Variants in KCND2 observed in about 807,000 individuals in gnomAD.
The protein encoded by KCND2 is potassium voltage-gated channel subfamily D member 2, also known as A-type voltage-gated potassium channel KCND2.
Under a neutral mutation model 54.4 loss-of-function variants are expected in KCND2, and 16 were observed. That is an observed-to-expected ratio of 0.29 (90% CI 0.20 to 0.45). KCND2 has a LOEUF of 0.45. Ranked by LOEUF, KCND2 falls within the 20% of genes least tolerant of loss-of-function variation. The pLI is 1.00. For synonymous variants in KCND2, 317 were observed against 310.7 expected (o/e 1.02, Z -0.21); for missense variants, 486 against 824.2 (o/e 0.59, Z 5.02).
chr7:120,353,825 C>G (rs1484646110), intron 1 of KCND2, among the ~76,000 whole-genome samples: 1 of 152,028 alleles, frequency 6.6e-6, no homozygotes, highest in Non-Finnish European at 1.5e-5. Context: ...TGCTACAAAG[C>G]AATAGTGGGT....
chr7:120,505,280 C>T (rs1802996717), intron 1 of KCND2, among the ~76,000 whole-genome samples: 1 of 151,682 alleles, frequency 6.6e-6, no homozygotes. Flanking sequence ...CCTCCCTCTT[C>T]CCCTTAACAT....
intron 1 of KCND2, among the ~76,000 whole-genome samples, chr7:120,375,272 C>T (rs1800820064): frequency 6.6e-6 from 1 of 151,606 alleles, no homozygotes; most frequent in African/African-American, 2.4e-5. Context: ...CTACCTTTTC[C>T]CCCACAAAAT....
chr7:120,711,818 G>A (rs189762334), intron 1 of KCND2, among the ~76,000 whole-genome samples: 44 of 152,050 alleles, frequency 2.9e-4, no homozygotes, highest in African/African-American at 1.1e-3. Context: ...TTAATGTAAG[G>A]GTTCACCAAA....
chr7:120,395,278 T>C (rs1801137648), intron 1 of KCND2, among the ~76,000 whole-genome samples: 1 of 152,104 alleles, frequency 6.6e-6, no homozygotes, highest in Non-Finnish European at 1.5e-5. Flanking sequence ...CCATAGCTAT[T>C]ATTTAATTTC....
chr7:120,449,374 C>A (rs538380117), intron 1 of KCND2, among the ~76,000 whole-genome samples: 96 of 151,940 alleles, frequency 6.3e-4, no homozygotes, highest in African/African-American at 2.2e-3. Flanking sequence ...ATTTCATCTT[C>A]AGATAACCCC....
At position 120,734,827 on chromosome 7, in the gene KCND2, T is replaced by C. The variant is rs143332423; in HGVS notation, c.1278+1762T>C. 6.3e-3 allele frequency among the ~76,000 whole-genome samples: 966 copies of C among 152,238 alleles called. 4 individuals are homozygous for C. Among genetic ancestry groups the C allele is most frequent in the Middle Eastern group, 0.02 (6 of 294 alleles). On this transcript the variant is annotated intron_variant, in intron 2 of 5. Coordinates refer to ENST00000331113, the MANE Select transcript of KCND2 (RefSeq NM_012281.3). The stretch of plus-strand genomic sequence containing the variant: ...GGTGATGTGTTATAACTACAAAATA[T>C]CATGAGAGACTTTGATATAGTTATT...
Position 120,490,803 on chromosome 7 carries a change from C to T in KCND2, c.1115+215056C>T, listed in dbSNP as rs116125505. ...TTACATAAAACACATATGGATAGCT[C>T]AAGAAATAATATTTCTCTCCTTTGT... On this transcript the variant is annotated intron_variant, in intron 1 of 5. Transcript: ENST00000331113. Among the ~76,000 whole-genome samples, 925 of 152,070 alleles carry T rather than the reference C, an allele frequency of 6.1e-3. 8 individuals are homozygous for T. Among genetic ancestry groups the T allele is most frequent in the African/African-American group, 0.021 (851 of 41,410 alleles).
At chr7:120,351,295 A>G in intron 1 of KCND2, among the ~76,000 whole-genome samples, 1 of 138,890 alleles carries the variant, frequency 7.2e-6, no homozygotes, top group Middle Eastern at 4.4e-3. Context: ...GTTATATATT[A>G]TGTATCATAC....
intron 1 of KCND2, among the ~76,000 whole-genome samples, chr7:120,581,248 T>A (rs959522722): frequency 3.9e-5 from 6 of 152,240 alleles, no homozygotes; most frequent in Admixed American, 1.3e-4. Flanking sequence ...AGTTGAATGT[T>A]CCTCTCTCTA....
chr7:120,729,695 G>A lies in KCND2; in HGVS notation c.1116-3208G>A, dbSNP rs140652520. ...AGATGTTCCCACTGATGAACACTTTGTGCCCCCTTCCTCTTCTCACCATAA... is the reference window on the plus strand; with the variant it reads ...AGATGTTCCCACTGATGAACACTTTATGCCCCCTTCCTCTTCTCACCATAA... On this transcript the variant is annotated intron_variant, in intron 1 of 5. Transcript: ENST00000331113. 2.4e-4 allele frequency among the ~76,000 whole-genome samples: 37 copies of A among 152,302 alleles called. 1 individual carries two copies. The highest frequency in any genetic ancestry group is 6.8e-3 in the Middle Eastern group (2 of 294).
chr7:120,572,738 T>C (rs1344121842), intron 1 of KCND2, among the ~76,000 whole-genome samples: 1 of 152,136 alleles, frequency 6.6e-6, no homozygotes, highest in African/African-American at 2.4e-5. Flanking sequence ...GGCTGGTCTT[T>C]AACTCCTGTC....
chr7:120,574,705 T>A (rs1792405999), intron 1 of KCND2, among the ~76,000 whole-genome samples: 1 of 152,112 alleles, frequency 6.6e-6, no homozygotes, highest in Admixed American at 6.6e-5. Flanking sequence ...TTCCAGGTAA[T>A]TCTAATGTGC....
At chr7:120,503,795 G>T (rs73721404) in intron 1 of KCND2, among the ~76,000 whole-genome samples, 2,511 of 151,964 alleles carry the variant, frequency 0.017, 59 homozygotes, top group African/African-American at 0.058. Flanking sequence ...TATTCAATTT[G>T]GGGGGAGTCA....
chr7:120,359,798 G>T (rs1199565448), intron 1 of KCND2, among the ~76,000 whole-genome samples: 1 of 152,032 alleles, frequency 6.6e-6, no homozygotes, highest in African/African-American at 2.4e-5. Flanking sequence ...TTGGATCATG[G>T]GGGTGGTTCC....
rs547202510 is a variant in KCND2, at chr7:120,623,430, G to T, written c.1116-109473G>T. ...TTAAACACTGTGCTATTGGTGAGCT[G>T]TATGAAGGCAAGTGTTATGATTTGC... On this transcript the variant is annotated intron_variant, in intron 1 of 5. Transcript: ENST00000331113. Among the ~76,000 whole-genome samples, 5 of 152,280 alleles carry T rather than the reference G, an allele frequency of 3.3e-5. No homozygotes were observed. In the East Asian group the frequency reaches 9.6e-4, roughly 29 times the overall value.
chr7:120,427,823 A>T (rs1801734333), intron 1 of KCND2, among the ~76,000 whole-genome samples: 1 of 152,002 alleles, frequency 6.6e-6, no homozygotes, highest in South Asian at 2.1e-4. Flanking sequence ...AAATGCCTAC[A>T]TCTCTCTCTC....
intron 1 of KCND2, among the ~76,000 whole-genome samples, chr7:120,532,088 A>G (rs1342206192): frequency 6.6e-6 from 1 of 152,130 alleles, no homozygotes. Flanking sequence ...AAAATTTATC[A>G]TTAAAAATCA....
At chr7:120,545,413 C>T (rs989914938) in intron 1 of KCND2, among the ~76,000 whole-genome samples, 1 of 151,784 alleles carries the variant, frequency 6.6e-6, no homozygotes, top group Non-Finnish European at 1.5e-5. Flanking sequence ...TCAGAAATAA[C>T]AAAATGAGGA....
At chr7:120,456,963 C>T (rs68153227) in intron 1 of KCND2, among the ~76,000 whole-genome samples, 1 of 152,156 alleles carries the variant, frequency 6.6e-6, no homozygotes, top group Non-Finnish European at 1.5e-5. Context: ...GGAGGTTCCA[C>T]AACCTCAATT....
Sources: gnomAD v4.1 joint callset for allele counts (sites outside exome capture counted in the v4.1 genomes callset) on GRCh38, gnomAD v4.1.1 for gene constraint, MANE v1.5 for transcripts, NCBI Gene and HGNC (gene_info 2026-07-23, HGNC 2026-07-21) for gene names.